The following SPATA20 variants were observed in gnomAD, a reference collection of about 807,000 sequenced individuals.
SPATA20 encodes spermatogenesis-associated protein 20.
SPATA20 carries 74 observed loss-of-function variants against 98.9 expected under a neutral mutation model. That is an observed-to-expected ratio of 0.75 (90% CI 0.62 to 0.91). The LOEUF (loss-of-function observed/expected upper bound fraction) is 0.91, where lower values mean the gene tolerates loss of function less well. Among genes scored for constraint, SPATA20 ranks in the 40% least tolerant of loss-of-function variants. The probability of loss-of-function intolerance (pLI) is 0.00; values close to 1 mark genes in which losing one functional copy is unlikely to be tolerated. For synonymous variants in SPATA20, 430 were observed against 440.5 expected (o/e 0.98, Z 0.30); for missense variants, 1,016 against 1,069.8 (o/e 0.95, Z 0.70).
chr17:50,552,534 C>CTTTCTTTCT lies in SPATA20; in HGVS notation c.1957+364_1957+372dup, dbSNP rs2035033220. On this transcript the variant is annotated intron_variant, in intron 14 of 16. Coordinates refer to ENST00000006658, the MANE Select transcript of SPATA20 (RefSeq NM_022827.4). ...TTCTTTCTTTCTCTTTCCTTTCTTCCTTTCTTTCTTTTCTTTCTCTCTTTC... is the reference window on the plus strand; with the variant it reads ...TTCTTTCTTTCTCTTTCCTTTCTTCCTTTCTTTCTTTTCTTTCTTTTCTTTCTCTCTTTC... Among the ~76,000 whole-genome samples, 3 of 148,504 alleles carry CTTTCTTTCT rather than the reference C, an allele frequency of 2.0e-5. No homozygotes were observed. The Admixed American group carries it at 2.0e-4, about 10-fold the overall frequency.
Position 50,550,762 on chromosome 17 carries a change from CG to C in SPATA20, c.1230del (p.Glu413ArgfsTer27). 3 of 1,613,182 alleles carry C rather than the reference CG, an allele frequency of 1.9e-6. No homozygotes were observed. The highest frequency in any genetic ancestry group is 2.5e-6 in the Non-Finnish European group (3 of 1,180,020). ...AGACTCGCCCCCAGAGCGGGGCCAG[CG>C]GCCCAAAGAGGGCGCCTACTATGTG... ...DADSPPERGQRPKEGAYYVWT... is the reference protein window; with the variant it reads ...DADSPPERGQXPKEGAYYVWT... On this transcript the variant is annotated frameshift_variant, in exon 11 of 17. Coordinates refer to ENST00000006658, the MANE Select transcript of SPATA20 (RefSeq NM_022827.4). LOFTEE classifies it high-confidence loss of function.
chr17:50,550,223 T>C lies in SPATA20; in HGVS notation c.1009T>C (p.Ser337Pro). ...ATCCGCACAGGGCTTTCACCGCTAC[T>C]CCACAGACCGCCAGTGGCACGTCCC... Reference protein sequence around the residue: ...DHVGQGFHRYSTDRQWHVPHF... With the variant: ...DHVGQGFHRYPTDRQWHVPHF... Residue 337 changes from serine to proline, a missense_variant, in exon 9 of 17, where the codon TCC (serine) becomes CCC (proline). Ser to Pro is a moderately conservative substitution (Grantham distance 74, BLOSUM62 -1). Transcript: ENST00000006658. The C allele has an allele frequency of 6.2e-7, 1 of 1,612,294 alleles. No homozygotes were observed. The highest frequency in any genetic ancestry group is 8.5e-7 in the Non-Finnish European group (1 of 1,179,284).
chr17:50,552,123 G>A lies in SPATA20; in HGVS notation c.1900G>A (p.Gly634Ser), dbSNP rs528625523. Residue 634 changes from glycine (G) to serine (S), a missense_variant, in exon 14 of 17, where the codon GGC (glycine) becomes AGC (serine). Transcript: ENST00000006658. ...DKLFWDSQGG[G>S]YFCSEAELGA... ...GCTCTTTTGGGACTCCCAGGGTGGC[G>A]GCTACTTCTGCAGTGAGGCTGAGCT... 100 of 1,613,816 alleles carry A rather than the reference G, an allele frequency of 6.2e-5. No homozygotes were observed. Among genetic ancestry groups the A allele is most frequent in the Non-Finnish European group, 8.2e-5 (97 of 1,180,016 alleles).
In SPATA20 at chr17:50,548,334, G is replaced by C; in HGVS notation, c.177G>C (p.Val59=). ...KDRSATVSSS[V]PMPAGGKGSH... ...GAAGTGCGACGGTCAGTAGTTCAGT[G>C]CCCATGCCTGCTGGAGGGAAAGGAA... The change falls in exon 3 of 17, where the codon GTG becomes GTC. Residue 59 remains valine (V), a synonymous_variant. Coordinates refer to ENST00000006658, the MANE Select transcript of SPATA20 (RefSeq NM_022827.4). 5 of 1,613,894 alleles carry C rather than the reference G, an allele frequency of 3.1e-6. No individual in the cohort carries two copies. The highest frequency in any genetic ancestry group is 4.2e-6 in the Non-Finnish European group (5 of 1,179,970).
chr17:50,550,774 G>A lies in SPATA20; in HGVS notation c.1240G>A (p.Gly414Ser). Residue 414 changes from glycine to serine, a missense_variant, in exon 11 of 17, where the codon GGC becomes AGC. Physicochemically the swap from Gly to Ser is moderately conservative, Grantham distance 56. Coordinates refer to ENST00000006658, the MANE Select transcript of SPATA20 (RefSeq NM_022827.4). Reference sequence around the variant, plus strand: ...AGAGCGGGGCCAGCGGCCCAAAGAGGGCGCCTACTATGTGTGGACGGTCAA... The same window carrying A: ...AGAGCGGGGCCAGCGGCCCAAAGAGAGCGCCTACTATGTGTGGACGGTCAA... Reference protein sequence around the residue: ...PPERGQRPKEGAYYVWTVKEV... With the variant: ...PPERGQRPKESAYYVWTVKEV... 6.2e-7 allele frequency: 1 copy of A among 1,613,162 alleles called. No homozygotes were observed. Among genetic ancestry groups the A allele is most frequent in the Non-Finnish European group, 8.5e-7 (1 of 1,180,044 alleles).
In SPATA20 at chr17:50,555,766, C is replaced by G; in HGVS notation, c.*104C>G. 9.5e-7 allele frequency: 1 copy of G among 1,053,252 alleles called. No individual in the cohort carries two copies. The highest frequency in any genetic ancestry group is 1.4e-6 in the Non-Finnish European group (1 of 739,038). 65.2% of individuals were successfully genotyped at this position (1,053,252 alleles called of 1,614,324 possible). On this transcript the variant is annotated 3_prime_UTR_variant, in exon 17 of 17. Transcript: ENST00000006658. ...AGAACCTGTGGCCATCCCTGAGCACCCTGCCACCAGGTGACCTCGGCCATA... is the reference window on the plus strand; with the variant it reads ...AGAACCTGTGGCCATCCCTGAGCACGCTGCCACCAGGTGACCTCGGCCATA...
At position 50,552,185 on chromosome 17, in the gene SPATA20, G is replaced by T; in HGVS notation, c.1957+5G>T. 1.2e-6 allele frequency: 2 copies of T among 1,613,206 alleles called. No individual in the cohort carries two copies. The highest frequency in any genetic ancestry group is 8.5e-7 in the Non-Finnish European group (1 of 1,179,788). On this transcript the variant is annotated splice_donor_5th_base_variant and intron_variant, in intron 14 of 16. Transcript: ENST00000006658. ...TGCCCCTGCGTCTGAAGGACGGTCAGTGGGGGTGCAGGGCTAGTCTGGGGT... is the reference window on the plus strand; with the variant it reads ...TGCCCCTGCGTCTGAAGGACGGTCATTGGGGGTGCAGGGCTAGTCTGGGGT...
At chr17:50,548,644 G>A in intron 4 of SPATA20, 26 bp downstream of exon 4, 1 of 1,609,842 alleles carries the variant, frequency 6.2e-7, no homozygotes, top group South Asian at 1.1e-5. Flanking sequence ...TCCCTGATGT[G>A]GGGGTGTGGG....
At position 50,554,271 on chromosome 17, in the gene SPATA20, A is replaced by G. The variant is rs760237967; in HGVS notation, c.1978A>G (p.Ser660Gly). 2.5e-6 allele frequency: 4 copies of G among 1,613,984 alleles called. No individual in the cohort carries two copies. The African/African-American group carries it at 4.0e-5, about 16-fold the overall frequency. ...TGTAGACCAGGATGGAGCAGAGCCC[A>G]GCGCCAATTCCGTGTCAGCCCACAA... Reference protein sequence around the residue: ...LKDDQDGAEPSANSVSAHNLL... With the variant: ...LKDDQDGAEPGANSVSAHNLL... The change falls in exon 15 of 17, where the codon AGC (serine) becomes GGC (glycine). Residue 660 changes from serine (S) to glycine (G), a missense_variant. By Grantham distance (56) the Ser-to-Gly change is moderately conservative (BLOSUM62 0). Transcript: ENST00000006658.
rs759878594 is a variant in SPATA20, at chr17:50,550,232, C to T, written c.1018C>T (p.Arg340Cys). ...GQGFHRYSTDRQWHVPHFEKM... is the reference protein window; with the variant it reads ...GQGFHRYSTDCQWHVPHFEKM... Reference sequence around the variant, plus strand: ...GGGCTTTCACCGCTACTCCACAGACCGCCAGTGGCACGTCCCTCACTTTGA... The same window carrying T: ...GGGCTTTCACCGCTACTCCACAGACTGCCAGTGGCACGTCCCTCACTTTGA... The change falls in exon 9 of 17, where the codon CGC becomes TGC. Residue 340 changes from arginine to cysteine, a missense_variant. By Grantham distance (180) the Arg-to-Cys change is radical (BLOSUM62 -3). Coordinates refer to ENST00000006658, the MANE Select transcript of SPATA20 (RefSeq NM_022827.4). 141 of 1,611,826 alleles carry T rather than the reference C, an allele frequency of 8.7e-5. No individual in the cohort carries two copies. Among genetic ancestry groups the T allele is most frequent in the Non-Finnish European group, 1.1e-4 (129 of 1,178,918 alleles).
Position 50,549,174 on chromosome 17 carries a change from A to G in SPATA20, c.648A>G (p.Arg216=). 1 of 1,598,162 alleles carries G rather than the reference A, an allele frequency of 6.3e-7. No homozygotes were observed. Residue 216 remains arginine, a synonymous_variant, in exon 6 of 17, where the codon AGA becomes AGG. Transcript: ENST00000006658. The stretch of plus-strand genomic sequence containing the variant: ...TCGGCTTCCGCACAGTGTTGCTGAG[A>G]ATACGAGAACAGGTGGGTGTGCCTC... ...TRVGFRTVLL[R]IREQWKQNKN...
rs1262005649 is a variant in SPATA20 at position 50,551,219 on chromosome 17, G to C, written c.1576+29G>C. On this transcript the variant is annotated intron_variant, in intron 12 of 16. Coordinates refer to ENST00000006658, the MANE Select transcript of SPATA20 (RefSeq NM_022827.4). ...GGGCAGCACACCTGAGACCGAGCCT[G>C]TCTGTAGGATCCCCCTTCACAAAGC... The C allele has an allele frequency of 1.1e-5, 18 of 1,580,524 alleles. 1 individual carries two copies. In the South Asian group the frequency reaches 1.2e-4, roughly 11 times the overall value.
rs759027644 is a variant in SPATA20, at chr17:50,552,210, T to A, written c.1957+30T>A. On this transcript the variant is annotated intron_variant, in intron 14 of 16. Coordinates refer to ENST00000006658, the MANE Select transcript of SPATA20 (RefSeq NM_022827.4). ...GTGGGGGTGCAGGGCTAGTCTGGGG[T>A]CCTGGGAGGTGTAAGTGCAGCGTGG... 3.4e-5 allele frequency: 54 copies of A among 1,598,262 alleles called. No homozygotes were observed. The African/African-American group carries it at 6.7e-4, about 20-fold the overall frequency.
rs765275743 is a variant in SPATA20, at chr17:50,550,710, C to G, written c.1176C>G (p.Ser392=). ...AGCCAACTCTCCCCTCCCCACAGTC[C>G]GGAGGCTTCTATAGCGCAGAAGATG... ...QYVARSLSHR[S]GGFYSAEDAD... is the part of the protein sequence containing the mutation. The change falls in exon 11 of 17, where the codon TCC becomes TCG. Residue 392 remains serine (S), a splice_region_variant and synonymous_variant. Transcript: ENST00000006658. 7 of 1,613,182 alleles carry G rather than the reference C, an allele frequency of 4.3e-6. No individual in the cohort carries two copies. The African/African-American group carries it at 8.0e-5, about 18-fold the overall frequency.
At chr17:50,547,629 A>T (rs1567908160) in intron 1 of SPATA20, 91 bp from the exon 2 acceptor site, 1 of 771,010 alleles carries the variant, frequency 1.3e-6, no homozygotes, top group Non-Finnish European at 2.4e-6. Flanking sequence ...GCCCTGTCAC[A>T]GTCCTTTATT....
Position 50,551,596 on chromosome 17 carries a change from C to T in SPATA20, c.1662C>T (p.Phe554=), listed in dbSNP as rs752587680. 5.0e-6 allele frequency: 8 copies of T among 1,608,204 alleles called. No individual in the cohort carries two copies. The East Asian group carries it at 1.8e-4, about 36-fold the overall frequency. ...LINYATNGAK[F]LKRHMFDVAS... ...ACTATGCCACCAATGGTGCCAAGTTCCTGAAGCGGCACATGTTTGATGTGG... is the reference window on the plus strand; with the variant it reads ...ACTATGCCACCAATGGTGCCAAGTTTCTGAAGCGGCACATGTTTGATGTGG... The change falls in exon 13 of 17, where the codon TTC becomes TTT. Residue 554 remains phenylalanine (F), a synonymous_variant. Coordinates refer to ENST00000006658, the MANE Select transcript of SPATA20 (RefSeq NM_022827.4).
chr17:50,554,707 C>T (rs113186376), intron 15 of SPATA20, among the ~76,000 whole-genome samples: 4 of 152,094 alleles, frequency 2.6e-5, no homozygotes, highest in East Asian at 1.9e-4. Context: ...TGTGTACTTC[C>T]GGGTGTGTGT....
At chr17:50,550,647 G>A (rs368148313) in intron 10 of SPATA20, 37 bp downstream of exon 10, 83 of 1,613,220 alleles carry the variant, frequency 5.1e-5, no homozygotes, top group Non-Finnish European at 6.8e-5. Context: ...CTGGCTGTGG[G>A]AGGGGTTGGG....
intron 6 of SPATA20, 21 bp from the exon 7 acceptor site, chr17:50,549,265 G>A (rs8076628): frequency 0.26 from 411,427 of 1,605,180 alleles, 60,794 homozygotes; most frequent in African/African-American, 0.63. Flanking sequence ...TGACCTCCAG[G>A]TGTGCCCCCA....
Sources: allele counts gnomAD v4.1 joint callset (sites outside exome capture counted in the v4.1 genomes callset), GRCh38; gene constraint gnomAD v4.1.1; transcripts MANE v1.5; gene names NCBI Gene and HGNC (gene_info 2026-07-23, HGNC 2026-07-21).